Variants in CALML4 observed in about 807,000 individuals in gnomAD.
The protein encoded by CALML4 is calmodulin like 4.
CALML4 carries 16 observed loss-of-function variants against 17.9 expected under a neutral mutation model. The observed-to-expected ratio is 0.89, with a 90% CI of 0.61 to 1.36. CALML4 has a LOEUF of 1.36. Ranked by LOEUF, CALML4 falls within the 40% of genes most tolerant of loss-of-function variation. CALML4 has a pLI of 0.00. For missense variants in CALML4, 203 were observed against 194.8 expected, an observed-to-expected ratio of 1.04 and a Z score of -0.25; for synonymous variants, 86 against 71.5, an observed-to-expected ratio of 1.20 and a Z score of -1.02.
chr15:68,199,545 C>G lies in CALML4; in HGVS notation c.171G>C (p.Gly57=). Residue 57 remains glycine (G), a synonymous_variant, in exon 3 of 5, where the codon GGG becomes GGC. Coordinates refer to ENST00000467889, the MANE Select transcript of CALML4 (RefSeq NM_033429.3). ...GTTGTTCCCACCACCACTCACCTAT[C>G]CCGTGGGTCTGCAGGTGCCGCTGCA... ...GEVQRHLQTH[G]IDGNGELDFS... is the part of the protein sequence containing the mutation. The G allele has an allele frequency of 6.2e-7, 1 of 1,613,112 alleles. No individual in the cohort carries two copies. Among genetic ancestry groups the G allele is most frequent in the South Asian group, 1.1e-5 (1 of 90,942 alleles).
chr15:68,196,068 A>C (rs980795376), intron 4 of CALML4, among the ~76,000 whole-genome samples: 5 of 152,108 alleles, frequency 3.3e-5, no homozygotes, highest in Non-Finnish European at 7.3e-5. Flanking sequence ...TTATTTATGG[A>C]GATAAAGTCT....
Position 68,197,702 on chromosome 15 carries a change from G to C in CALML4, c.176-74C>G. ...TAGGAAGCCAGCTGGCCTCCTGCTG[G>C]ACCTGCACAGCCGGTTCAAGGTCAA... is the stretch of plus-strand genomic sequence containing the variant. On this transcript the variant is annotated intron_variant, in intron 3 of 4. Coordinates refer to ENST00000467889, the MANE Select transcript of CALML4 (RefSeq NM_033429.3). This position sits in a 1 kb window ranked among gnomAD's most constrained non-coding sequence, Gnocchi z 4.1. The C allele has an allele frequency of 7.2e-7, 1 of 1,392,770 alleles. No individual in the cohort carries two copies. The highest frequency in any genetic ancestry group is 1.0e-6 in the Non-Finnish European group (1 of 1,004,654). The allele number at this position is 1,392,770 out of a possible 1,614,324, so 86.3% of individuals were successfully genotyped here.
chr15:68,197,930 T>C lies in CALML4; in HGVS notation c.176-302A>G, dbSNP rs1340099751. The C allele has an allele frequency of 6.0e-6, 2 of 332,478 alleles. No homozygotes were observed. Among genetic ancestry groups the C allele is most frequent in the East Asian group, 1.3e-4 (2 of 15,990 alleles). The allele number at this position is 332,478 out of a possible 1,614,324, so 20.6% of individuals were successfully genotyped here. A position where few individuals can be genotyped will look rare whatever the true frequency, so the allele number is the denominator to read the frequency against. ...GGAGGACTGGGCTCCTCTGCTCCCT[T>C]CTAGCGCTTCCCTCCTGCCCTGAAC... is the stretch of plus-strand genomic sequence containing the variant. On this transcript the variant is annotated intron_variant, in intron 3 of 4. Transcript: ENST00000467889. The surrounding 1 kb of genome is among the most constrained non-coding windows in gnomAD (Gnocchi z 4.1).
In CALML4 at chr15:68,197,665, GA is replaced by G; in HGVS notation, c.176-38del. On this transcript the variant is annotated intron_variant, in intron 3 of 4. Transcript: ENST00000467889. The surrounding 1 kb of genome is among the most constrained non-coding windows in gnomAD (Gnocchi z 4.1). Reference sequence around the variant, plus strand: ...GCAAACACAGCAGAGTGAGCAGAGGGAAAAAGACTCCTAGGAAGCCAGCTGG... The same window carrying G: ...GCAAACACAGCAGAGTGAGCAGAGGGAAAAGACTCCTAGGAAGCCAGCTGG... The G allele has an allele frequency of 1.3e-6, 2 of 1,595,904 alleles. No individual in the cohort carries two copies. The highest frequency in any genetic ancestry group is 1.7e-6 in the Non-Finnish European group (2 of 1,169,402).
chr15:68,198,968 C>A (rs1343160193), intron 3 of CALML4, among the ~76,000 whole-genome samples: 1 of 152,136 alleles, frequency 6.6e-6, no homozygotes. Flanking sequence ...TCAAGACCAG[C>A]CTGGCCAACA....
At chr15:68,198,251 C>A (rs1447278005) in intron 3 of CALML4, 5 of 152,348 alleles carry the variant, frequency 3.3e-5, no homozygotes, top group African/African-American at 1.2e-4. Context: ...AGGTATCAGA[C>A]CACTGAGCAA....
At chr15:68,196,177 T>G (rs141774440) in intron 4 of CALML4, among the ~76,000 whole-genome samples, 1 of 152,182 alleles carries the variant, frequency 6.6e-6, no homozygotes, top group Non-Finnish European at 1.5e-5. Flanking sequence ...GCCTCCCGAG[T>G]AGCTGGGGCT....
At chr15:68,203,116 A>G (rs772922972) in intron 2 of CALML4, among the ~76,000 whole-genome samples, 5 of 151,574 alleles carry the variant, frequency 3.3e-5, no homozygotes, top group Non-Finnish European at 5.9e-5. Flanking sequence ...GCACCTGGCC[A>G]GTTTTGTATT....
intron 2 of CALML4, among the ~76,000 whole-genome samples, chr15:68,202,791 G>A: frequency 7.2e-6 from 1 of 139,058 alleles, no homozygotes; most frequent in East Asian, 2.1e-4. Flanking sequence ...TTATAGGCAT[G>A]TGCCACCATG....
chr15:68,193,162 C>T lies in CALML4; in HGVS notation c.*853G>A, dbSNP rs780187972. The T allele has an allele frequency of 2.6e-5, 4 of 152,368 alleles. No individual in the cohort carries two copies. Among genetic ancestry groups the T allele is most frequent in the Non-Finnish European group, 5.9e-5 (4 of 68,174 alleles). The allele number at this position is 152,368 out of a possible 1,614,324, so 9.4% of individuals were successfully genotyped here. On this transcript the variant is annotated 3_prime_UTR_variant, in exon 5 of 5. Transcript: ENST00000467889. ...AGTGTGGGCCACTTGAGCAGACCATCCCGGAACCTCTCTGCCTGTTAACAG... is the reference window on the plus strand; with the variant it reads ...AGTGTGGGCCACTTGAGCAGACCATTCCGGAACCTCTCTGCCTGTTAACAG...
intron 2 of CALML4, 120 bp from the exon 3 acceptor site, chr15:68,199,801 T>G: frequency 9.2e-7 from 1 of 1,092,844 alleles, no homozygotes; most frequent in Admixed American, 2.4e-5. Context: ...CCTCCATCCC[T>G]CTCTCCCCTC....
chr15:68,201,528 G>A (rs2093165629), intron 2 of CALML4, among the ~76,000 whole-genome samples: 2 of 152,214 alleles, frequency 1.3e-5, no homozygotes, highest in South Asian at 4.1e-4. Context: ...GTGGGCCCAA[G>A]GCCCACTGCT....
chr15:68,203,878 T>C (rs546719649), intron 2 of CALML4, among the ~76,000 whole-genome samples: 1 of 152,316 alleles, frequency 6.6e-6, no homozygotes, highest in Admixed American at 6.5e-5. Context: ...TGTCAGATAC[T>C]GGGATACAAA....
At chr15:68,195,499 C>T (rs796293018) in intron 4 of CALML4, among the ~76,000 whole-genome samples, 11 of 152,236 alleles carry the variant, frequency 7.2e-5, no homozygotes, top group African/African-American at 2.6e-4. Flanking sequence ...AGCCTCTTCC[C>T]ATCTGGGCGA....
intron 3 of CALML4, 36 bp downstream of exon 3, chr15:68,199,505 C>T: frequency 6.3e-7 from 1 of 1,588,524 alleles, no homozygotes; most frequent in South Asian, 1.1e-5. Flanking sequence ...CCTGCTGGGC[C>T]CCTCCCCTCT....
chr15:68,201,245 C>T (rs2093164686), intron 2 of CALML4, among the ~76,000 whole-genome samples: 1 of 152,240 alleles, frequency 6.6e-6, no homozygotes, highest in Non-Finnish European at 1.5e-5. Context: ...AGGGGCAAAC[C>T]AAAGTCAGGA....
At chr15:68,201,752 A>T (rs899110400) in intron 2 of CALML4, among the ~76,000 whole-genome samples, 8 of 152,130 alleles carry the variant, frequency 5.3e-5, no homozygotes, top group African/African-American at 1.9e-4. Flanking sequence ...CCTGCCTCAG[A>T]CGCCTTTAAA....
chr15:68,205,550 C>T (rs1393425961), upstream of CALML4: 3 of 758,558 alleles, frequency 4.0e-6, no homozygotes, highest in South Asian at 1.8e-5. The surrounding 1 kb of genome is among the most constrained non-coding windows in gnomAD (Gnocchi z 4.8). Context: ...AGTGTTTCTT[C>T]CCGGGAGCCC....
Position 68,193,961 on chromosome 15 carries a change from A to G in CALML4, c.*54T>C. The G allele has an allele frequency of 7.4e-7, 1 of 1,360,070 alleles. No individual in the cohort carries two copies. The highest frequency in any genetic ancestry group is 1.2e-5 in the South Asian group (1 of 83,924). The allele number at this position is 1,360,070 out of a possible 1,614,324, so 84.3% of individuals were successfully genotyped here. ...AAGTGAAAAGAACACTTTTTAAAAAAAATTAATTGCTCCAAGTTTTCAGGC... is the reference window on the plus strand; with the variant it reads ...AAGTGAAAAGAACACTTTTTAAAAAGAATTAATTGCTCCAAGTTTTCAGGC... On this transcript the variant is annotated 3_prime_UTR_variant, in exon 5 of 5. Transcript: ENST00000467889.
Sources: gnomAD v4.1 joint callset for allele counts (sites outside exome capture counted in the v4.1 genomes callset) on GRCh38, gnomAD v4.1.1 for gene constraint, Gnocchi (gnomAD v3.1) non-coding constraint, MANE v1.5 for transcripts, NCBI Gene and HGNC (gene_info 2026-07-23, HGNC 2026-07-21) for gene names.